TUSC3: variants seen among roughly 807,000 people sequenced by gnomAD.
The protein encoded by TUSC3 is dolichyl-diphosphooligosaccharide--protein glycosyltransferase subunit TUSC3.
In TUSC3, 45 loss-of-function variants were observed where a neutral mutation model predicts 44.8. The ratio of observed to expected loss-of-function variants is 1.00; its 90% CI spans 0.79 to 1.29. The LOEUF is 1.29. Among genes scored for constraint, TUSC3 ranks in the 50% most tolerant of loss-of-function variants. TUSC3 has a pLI of 0.00. For missense variants in TUSC3, 519 were observed against 437.9 expected, an observed-to-expected ratio of 1.19 and a Z score of -1.65; for synonymous variants, 212 against 152.9, an observed-to-expected ratio of 1.39 and a Z score of -2.85.
At chr8:15,449,970 A>G (rs1800172277) in intron 1 of TUSC3, among the ~76,000 whole-genome samples, 1 of 152,188 alleles carries the variant, frequency 6.6e-6, no homozygotes, top group South Asian at 2.1e-4. Flanking sequence ...AGGCTAGGCT[A>G]TACCACATAG....
At chr8:15,748,584 T>G in intron 9 of TUSC3, 119 bp downstream of exon 9, 1 of 988,092 alleles carries the variant, frequency 1.0e-6, no homozygotes, top group Non-Finnish European at 1.6e-6. Flanking sequence ...TAAATTCAGT[T>G]AAGCAAGTTT....
chr8:15,649,571 A>G (rs534147993), intron 2 of TUSC3, among the ~76,000 whole-genome samples: 18 of 149,732 alleles, frequency 1.2e-4, no homozygotes, highest in Non-Finnish European at 2.4e-4. Context: ...GCGACAGAGC[A>G]AGACTCCGTC....
chr8:15,583,482 A>G (rs1461469704), intron 1 of TUSC3, among the ~76,000 whole-genome samples: 7 of 152,190 alleles, frequency 4.6e-5, no homozygotes, highest in Admixed American at 1.3e-4. Context: ...TAGGCTTATT[A>G]TTGTTCCCTT....
intron 1 of TUSC3, among the ~76,000 whole-genome samples, chr8:15,433,080 A>T (rs1449223694): frequency 6.6e-6 from 1 of 152,186 alleles, no homozygotes; most frequent in African/African-American, 2.4e-5. Context: ...CCAATCTCCA[A>T]ATAAACAAAT....
chr8:15,686,682 A>G (rs2129187722), intron 6 of TUSC3, among the ~76,000 whole-genome samples: 1 of 152,280 alleles, frequency 6.6e-6, no homozygotes, highest in South Asian at 2.1e-4. Context: ...TATTTTCAAC[A>G]GAAATATTTA....
At chr8:15,438,353 C>T (rs1799978387) in intron 1 of TUSC3, among the ~76,000 whole-genome samples, 1 of 152,214 alleles carries the variant, frequency 6.6e-6, no homozygotes, top group Admixed American at 6.5e-5. Context: ...GCCTCGGCCC[C>T]CCAAAGTGCT....
intron 2 of TUSC3, among the ~76,000 whole-genome samples, chr8:15,493,438 T>A (rs1293138559): frequency 1.3e-5 from 2 of 152,072 alleles, no homozygotes; most frequent in Non-Finnish European, 2.9e-5. Flanking sequence ...ACTTTTTGTA[T>A]TTTTTGCATA....
chr8:15,660,377 A>G (rs531619965), intron 4 of TUSC3, among the ~76,000 whole-genome samples: 27 of 152,150 alleles, frequency 1.8e-4, no homozygotes, highest in South Asian at 6.2e-4. Context: ...AGTATGATCT[A>G]TTAGTTTTTT....
At chr8:15,794,258 A>T in the TUSC3 span, among the ~76,000 whole-genome samples, 1 of 152,220 alleles carries the variant, frequency 6.6e-6, no homozygotes, top group South Asian at 2.1e-4. Context: ...TTGAGGATCC[A>T]GCTTTTTTTG....
intron 2 of TUSC3, among the ~76,000 whole-genome samples, chr8:15,625,561 A>AT (rs944297974): frequency 3.9e-5 from 6 of 152,314 alleles, no homozygotes; most frequent in East Asian, 1.9e-4. Context: ...GGCTGAACAC[A>AT]TGTTCAAGAG....
At position 15,605,138 on chromosome 8, in the gene TUSC3, C is replaced by G. The variant is rs567393449; in HGVS notation, c.139-17942C>G. Among the ~76,000 whole-genome samples, 15 of 151,906 alleles carry G rather than the reference C, an allele frequency of 9.9e-5. 1 individual carries two copies. The South Asian group carries it at 3.1e-3, about 32-fold the overall frequency. On this transcript the variant is annotated intron_variant, in intron 1 of 10. Coordinates refer to ENST00000503731, the MANE Select transcript of TUSC3 (RefSeq NM_006765.4). ...ATTTTCTCAAATAGCAGCCTGACCC[C>G]AAGCGTGAAGTGAGCATCGCTTCCA...
At chr8:15,520,399 A>G (rs1043719726) in intron 2 of TUSC3, among the ~76,000 whole-genome samples, 6 of 152,192 alleles carry the variant, frequency 3.9e-5, no homozygotes, top group African/African-American at 1.2e-4. Context: ...TCATCTCCTC[A>G]TTTGTAAATG....
rs774357871 is a variant in TUSC3, at chr8:15,637,847, T to TC, written c.309-12849dup. On this transcript the variant is annotated intron_variant, in intron 2 of 10. Transcript: ENST00000503731. The stretch of plus-strand genomic sequence containing the variant: ...CTTCTTCCTCCCTCCTATTTCTTCC[T>TC]CTCTCCTCCTTCTTGCAGTGGCATA... Among the ~76,000 whole-genome samples, 3 of 152,216 alleles carry TC rather than the reference T, an allele frequency of 2.0e-5. No homozygotes were observed. The East Asian group carries it at 5.8e-4, about 29-fold the overall frequency.
intron 1 of TUSC3, among the ~76,000 whole-genome samples, chr8:15,451,493 A>G (rs1585050757): frequency 6.6e-6 from 1 of 152,308 alleles, no homozygotes; most frequent in South Asian, 2.1e-4. Flanking sequence ...CCAAAAGGAT[A>G]GGATTGGAGA....
chr8:15,485,336 T>A (rs1449253965), intron 2 of TUSC3, among the ~76,000 whole-genome samples: 1 of 152,258 alleles, frequency 6.6e-6, no homozygotes, highest in African/African-American at 2.4e-5. Context: ...TTTTGTTTCT[T>A]TGCTGCATTT....
At chr8:15,636,480 A>T (rs1476065021) in intron 2 of TUSC3, among the ~76,000 whole-genome samples, 2 of 152,198 alleles carry the variant, frequency 1.3e-5, no homozygotes, top group Non-Finnish European at 1.5e-5. Context: ...TAGAGATATT[A>T]GGCATTTGTT....
At chr8:15,751,680 T>G (rs201733395) in intron 9 of TUSC3, among the ~76,000 whole-genome samples, 3 of 119,046 alleles carry the variant, frequency 2.5e-5, no homozygotes, top group East Asian at 3.9e-4. Flanking sequence ...CCAAATACAA[T>G]GACAAGTACC....
intron 1 of TUSC3, among the ~76,000 whole-genome samples, chr8:15,562,396 G>A (rs1435361262): frequency 6.6e-6 from 1 of 152,194 alleles, no homozygotes; most frequent in Non-Finnish European, 1.5e-5. Context: ...CACTTTAAGC[G>A]TTAAGAAATA....
chr8:15,812,177 T>C, the TUSC3 span, among the ~76,000 whole-genome samples: 1 of 152,232 alleles, frequency 6.6e-6, no homozygotes, highest in Non-Finnish European at 1.5e-5. Flanking sequence ...ATTTGCTGCC[T>C]TGACTATAAA....
Sources: gnomAD v4.1 joint callset for allele counts (sites outside exome capture counted in the v4.1 genomes callset) on GRCh38, gnomAD v4.1.1 for gene constraint, MANE v1.5 for transcripts, NCBI Gene and HGNC (gene_info 2026-07-23, HGNC 2026-07-21) for gene names.